The following SOBP variants were observed in gnomAD, a reference collection of about 807,000 sequenced individuals.
SOBP encodes the protein sine oculis-binding protein homolog.
A neutral mutation model predicts 53.6 loss-of-function variants in SOBP; 4 were observed. The ratio of observed to expected loss-of-function variants is 0.07; its 90% CI spans 0.04 to 0.17. SOBP has a LOEUF of 0.17. SOBP is among the 10% of genes least tolerant of loss of function. SOBP has a pLI of 1.00. For synonymous variants in SOBP, 584 were observed against 522.6 expected, an observed-to-expected ratio of 1.12 and a Z score of -1.60; for missense variants, 1,088 against 1,204.7, an observed-to-expected ratio of 0.90 and a Z score of 1.43.
chr6:107,503,582 A>T lies in SOBP; in HGVS notation c.97-75A>T, dbSNP rs1583147888. 5.9e-6 allele frequency: 9 copies of T among 1,528,478 alleles called. No individual in the cohort carries two copies. In the East Asian group the frequency reaches 2.0e-4, roughly 34 times the overall value. 94.7% of individuals were successfully genotyped at this position (1,528,478 alleles called of 1,614,324 possible). ...TGCAAATAAATGAGGTAGGACAAGC[A>T]GAATTCAATTTATGCATTCTTTTCA... On this transcript the variant is annotated intron_variant, in intron 1 of 6. Transcript: ENST00000317357.
intron 5 of SOBP, among the ~76,000 whole-genome samples, chr6:107,611,410 G>A (rs1316337424): frequency 6.6e-6 from 1 of 152,210 alleles, no homozygotes; most frequent in Non-Finnish European, 1.5e-5. Context: ...CCTATTTTTA[G>A]CAGGAGTAAG....
In SOBP at chr6:107,616,109, C is replaced by A. The variant is rs111698958; in HGVS notation, c.670-17405C>A. ...TGGGGGGGGGGCGGGGGGGCGGCTTCAGCCATTGTGGAGTCTCTAATAAAT... is the reference window on the plus strand; with the variant it reads ...TGGGGGGGGGGCGGGGGGGCGGCTTAAGCCATTGTGGAGTCTCTAATAAAT... On this transcript the variant is annotated intron_variant, in intron 5 of 6. Coordinates refer to ENST00000317357, the MANE Select transcript of SOBP (RefSeq NM_018013.4). 4.1e-3 allele frequency among the ~76,000 whole-genome samples: 592 copies of A among 145,518 alleles called. 8 individuals carry two copies. The highest frequency in any genetic ancestry group is 0.015 in the African/African-American group (573 of 38,728).
chr6:107,605,689 T>G (rs1382780198), intron 5 of SOBP, among the ~76,000 whole-genome samples: 1 of 152,166 alleles, frequency 6.6e-6, no homozygotes, highest in Non-Finnish European at 1.5e-5. Flanking sequence ...TGTGCCCTGG[T>G]TCAAAATTCA....
rs1315974284 is a variant in SOBP, at chr6:107,634,476, T to C, written c.1632T>C (p.Pro544=). 3 of 1,604,170 alleles carry C rather than the reference T, an allele frequency of 1.9e-6. No individual in the cohort carries two copies. Among genetic ancestry groups the C allele is most frequent in the African/African-American group, 2.7e-5 (2 of 73,980 alleles). Residue 544 remains proline, a synonymous_variant, in exon 6 of 7, where the codon CCT becomes CCC. Coordinates refer to ENST00000317357, the MANE Select transcript of SOBP (RefSeq NM_018013.4). The surrounding 1 kb of genome is among the most constrained non-coding windows in gnomAD (Gnocchi z 4.5). ...CCATCCCCATCCCCATCCCTATCCC[T>C]CACGTCAGCGACTCCAAGCCCCCCA... is the stretch of plus-strand genomic sequence containing the variant. ...PVPIPIPIPI[P]HVSDSKPPNG... is the part of the protein sequence containing the mutation.
chr6:107,626,430 A>G (rs2115128722), intron 5 of SOBP, among the ~76,000 whole-genome samples: 1 of 152,344 alleles, frequency 6.6e-6, no homozygotes, highest in East Asian at 1.9e-4. Context: ...TAAAAGTGTT[A>G]CAAATAGAAG....
chr6:107,613,743 G>A (rs1562100822), intron 5 of SOBP, among the ~76,000 whole-genome samples: 1 of 152,204 alleles, frequency 6.6e-6, no homozygotes, highest in Non-Finnish European at 1.5e-5. Context: ...ACAAAGTCAG[G>A]ATTAGAATCC....
rs1484068299 is a variant in SOBP, at chr6:107,660,427, T to A, written c.*2224T>A. 1.3e-5 allele frequency among the ~76,000 whole-genome samples: 2 copies of A among 152,184 alleles called. No individual in the cohort carries two copies. The highest frequency in any genetic ancestry group is 4.8e-5 in the African/African-American group (2 of 41,448). On this transcript the variant is annotated 3_prime_UTR_variant, in exon 7 of 7. Transcript: ENST00000317357. ...ACACAGTGCATGGGAAGTGAGTGTT[T>A]AGGCTGTAGACCCAGGTGTGGTGTC...
At chr6:107,546,289 G>A (rs1001017920) in intron 4 of SOBP, among the ~76,000 whole-genome samples, 1 of 152,206 alleles carries the variant, frequency 6.6e-6, no homozygotes, top group African/African-American at 2.4e-5. Context: ...GTGATGTAGA[G>A]CAGGTTTTAT....
At position 107,644,949 on chromosome 6, in the gene SOBP, G is replaced by A. The variant is rs150488082; in HGVS notation, c.*3+9480G>A. The stretch of plus-strand genomic sequence containing the variant: ...TGGCATCATAAACATGGGACTTAGT[G>A]GCTATTTTCATAATCCCCAAGGTTT... On this transcript the variant is annotated intron_variant, in intron 6 of 6. Transcript: ENST00000317357. Among the ~76,000 whole-genome samples the A allele has an allele frequency of 4.6e-5, 7 of 152,252 alleles. No individual in the cohort carries two copies. The East Asian group carries it at 1.4e-3, about 29-fold the overall frequency.
chr6:107,526,544 G>A (rs1353879034), intron 3 of SOBP, among the ~76,000 whole-genome samples: 2 of 151,992 alleles, frequency 1.3e-5, no homozygotes, highest in African/African-American at 4.8e-5. Flanking sequence ...CTCAAATGCC[G>A]TGCTCTCTGG....
chr6:107,649,195 C>G (rs1047145751), intron 6 of SOBP, among the ~76,000 whole-genome samples: 6 of 127,524 alleles, frequency 4.7e-5, no homozygotes, highest in African/African-American at 1.8e-4. Context: ...AAAAAACCAT[C>G]AGGAGCCATG....
chr6:107,516,340 T>G (rs772445662), intron 3 of SOBP, among the ~76,000 whole-genome samples: 2 of 152,030 alleles, frequency 1.3e-5, no homozygotes, highest in Non-Finnish European at 2.9e-5. Flanking sequence ...TGCGCTCCTA[T>G]AATCCCAACT....
At chr6:107,588,853 C>T (rs1339899389) in intron 5 of SOBP, among the ~76,000 whole-genome samples, 1 of 152,160 alleles carries the variant, frequency 6.6e-6, no homozygotes, top group African/African-American at 2.4e-5. Context: ...AATCTTCGTC[C>T]TTCCAGTCAC....
chr6:107,648,616 C>G (rs1771662100), intron 6 of SOBP, among the ~76,000 whole-genome samples: 1 of 151,010 alleles, frequency 6.6e-6, no homozygotes, highest in Non-Finnish European at 1.5e-5. Flanking sequence ...AGGCACTATA[C>G]AGCTCTGACA....
chr6:107,595,350 C>CTTTTTTTT (rs745477007), intron 5 of SOBP, among the ~76,000 whole-genome samples: 2 of 88,124 alleles, frequency 2.3e-5, no homozygotes, highest in East Asian at 4.7e-4. Flanking sequence ...GATTTTGATC[C>CTTTTTTTT]TTTTTTTTTT....
At chr6:107,643,962 G>T (rs920379040) in intron 6 of SOBP, among the ~76,000 whole-genome samples, 1 of 152,238 alleles carries the variant, frequency 6.6e-6, no homozygotes, top group Admixed American at 6.5e-5. Flanking sequence ...TTAAAACAAA[G>T]AAATTCCCCA....
intron 4 of SOBP, among the ~76,000 whole-genome samples, chr6:107,546,748 T>C (rs1396538653): frequency 6.6e-6 from 1 of 152,246 alleles, no homozygotes; most frequent in East Asian, 1.9e-4. Flanking sequence ...ATTTATGTCT[T>C]GAGTTAGCAT....
chr6:107,621,478 A>C (rs767702068), intron 5 of SOBP, among the ~76,000 whole-genome samples: 1 of 152,240 alleles, frequency 6.6e-6, no homozygotes, highest in Non-Finnish European at 1.5e-5. Context: ...ACCAGTGTGG[A>C]TATCCAAAGA....
rs996793163 is a variant in SOBP, at chr6:107,646,282, T to A, written c.*3+10813T>A. On this transcript the variant is annotated intron_variant, in intron 6 of 6. Transcript: ENST00000317357. ...TGAGAAGAACTTTCTTTGTGCTAAG[T>A]GGGCCTAAGGAAATGTCACAATGCA... Among the ~76,000 whole-genome samples the A allele has an allele frequency of 1.4e-4, 21 of 152,344 alleles. No individual in the cohort carries two copies. The East Asian group carries it at 3.9e-3, about 28-fold the overall frequency.
Sources: allele counts gnomAD v4.1 joint callset (sites outside exome capture counted in the v4.1 genomes callset), GRCh38; gene constraint gnomAD v4.1.1; non-coding constraint Gnocchi (gnomAD v3.1); transcripts MANE v1.5; gene names NCBI Gene and HGNC (gene_info 2026-07-23, HGNC 2026-07-21).